ZNF787: variants seen among roughly 807,000 people sequenced by gnomAD.
The protein encoded by ZNF787 is TTF-I-interacting peptide 20.
In ZNF787, 7 loss-of-function variants were observed where a neutral mutation model predicts 16.9. The ratio of observed to expected loss-of-function variants is 0.42; its 90% confidence interval spans 0.24 to 0.78. The LOEUF is 0.78. Ranked by LOEUF, ZNF787 falls within the 30% of genes least tolerant of loss-of-function variation. The pLI is 0.30. For synonymous variants in ZNF787, 345 were observed against 270.9 expected (o/e 1.27, Z -2.69); for missense variants, 551 against 589.3 (o/e 0.94, Z 0.67).
At chr19:56,120,575 G>A (rs1051787216) in intron 1 of ZNF787, among the ~76,000 whole-genome samples, 2 of 152,196 alleles carry the variant, frequency 1.3e-5, no homozygotes, top group Non-Finnish European at 2.9e-5. Context: ...CTGATCAAAG[G>A]CCACGCGCAG....
chr19:56,120,613 G>A lies in ZNF787; in HGVS notation c.-11+559C>T, dbSNP rs2030263307. Among the ~76,000 whole-genome samples the A allele has an allele frequency of 2.6e-5, 4 of 151,596 alleles. No homozygotes were observed. In the South Asian group the frequency reaches 8.3e-4, roughly 31 times the overall value. On this transcript the variant is annotated intron_variant, in intron 1 of 2. Transcript: ENST00000610935. ...CGCCCGGGGCAGCAACGGGACCCGG[G>A]CTGACTCGAAAAGGGGAAGGAAGGG...
chr19:56,109,263 G>A (rs965860923), intron 1 of ZNF787, among the ~76,000 whole-genome samples: 1 of 152,232 alleles, frequency 6.6e-6, no homozygotes, highest in Non-Finnish European at 1.5e-5. Context: ...GGGGCCAGCA[G>A]TGAAGGCGAC....
At chr19:56,114,969 A>C (rs942245460) in intron 1 of ZNF787, among the ~76,000 whole-genome samples, 7 of 150,024 alleles carry the variant, frequency 4.7e-5, no homozygotes, top group Non-Finnish European at 8.9e-5. Context: ...TCGCTCCCTC[A>C]CTCCTGGCCT....
At chr19:56,108,669 A>C (rs1568532901) in intron 1 of ZNF787, among the ~76,000 whole-genome samples, 2 of 152,120 alleles carry the variant, frequency 1.3e-5, no homozygotes, top group African/African-American at 4.8e-5. Flanking sequence ...CTGGGTGAGC[A>C]CACAAACAGG....
chr19:56,111,747 G>A (rs949810415), intron 1 of ZNF787, among the ~76,000 whole-genome samples: 1 of 152,174 alleles, frequency 6.6e-6, no homozygotes, highest in East Asian at 1.9e-4. Context: ...CACCTACCAG[G>A]GAGATGTGAA....
In ZNF787 at chr19:56,088,212, C is replaced by G. The variant is rs1274192721; in HGVS notation, c.960G>C (p.Val320=). The change falls in exon 3 of 3, where the codon GTG becomes GTC. Residue 320 remains valine (V), a synonymous_variant. Transcript: ENST00000610935. This position sits in a 1 kb window ranked among gnomAD's most constrained non-coding sequence, Gnocchi z 8.6. ...CCTGCACGAAGCCCTCCCCGCACTCCACGCAGATGTGGGCCGGCTCCTCGC... is the reference window on the plus strand; with the variant it reads ...CCTGCACGAAGCCCTCCCCGCACTCGACGCAGATGTGGGCCGGCTCCTCGC... ...AGGEEPAHIC[V]ECGEGFVQGA... The G allele has an allele frequency of 6.6e-7, 1 of 1,525,608 alleles. No homozygotes were observed. The highest frequency in any genetic ancestry group is 2.8e-5 in the East Asian group (1 of 36,022). 94.5% of individuals were successfully genotyped at this position (1,525,608 alleles called of 1,614,324 possible).
chr19:56,093,084 A>G (rs1209084893), intron 2 of ZNF787, among the ~76,000 whole-genome samples: 1 of 151,412 alleles, frequency 6.6e-6, no homozygotes, highest in African/African-American at 2.4e-5. Flanking sequence ...GGGTAGCGGA[A>G]GTGGAATATT....
chr19:56,094,488 C>A (rs1459027554), intron 2 of ZNF787, among the ~76,000 whole-genome samples: 1 of 149,056 alleles, frequency 6.7e-6, no homozygotes, highest in Non-Finnish European at 1.5e-5. Flanking sequence ...TTTTTTTTCT[C>A]ATTTTAAAAT....
chr19:56,115,444 C>T (rs1056368304), intron 1 of ZNF787, among the ~76,000 whole-genome samples: 8 of 150,778 alleles, frequency 5.3e-5, no homozygotes, highest in Non-Finnish European at 1.0e-4. Context: ...CTGCAAGCTC[C>T]GCCTCCCGGG....
chr19:56,119,818 A>G (rs1217157140), intron 1 of ZNF787, among the ~76,000 whole-genome samples: 3 of 152,268 alleles, frequency 2.0e-5, no homozygotes, highest in Admixed American at 1.3e-4. Flanking sequence ...GCGCAGAGGC[A>G]GGCAGGTGAA....
chr19:56,103,282 C>A, intron 1 of ZNF787, 55 bp from the exon 2 acceptor site: 1 of 1,471,688 alleles, frequency 6.8e-7, no homozygotes, highest in East Asian at 2.4e-5. Flanking sequence ...CAGGCTGCAC[C>A]GAGGGCCCTG....
chr19:56,103,431 A>T, intron 1 of ZNF787: 1 of 453,244 alleles, frequency 2.2e-6, no homozygotes, highest in East Asian at 3.4e-5. Flanking sequence ...CCAAGGCCTC[A>T]CACAGCCGCA....
In ZNF787 at chr19:56,087,814, G is replaced by C; in HGVS notation, c.*209C>G. 1 of 760,148 alleles carries C rather than the reference G, an allele frequency of 1.3e-6. No homozygotes were observed. Among genetic ancestry groups the C allele is most frequent in the Non-Finnish European group, 1.8e-6 (1 of 563,564 alleles). The allele number at this position is 760,148 out of a possible 1,614,324, so 47.1% of individuals were successfully genotyped here. A position where few individuals can be genotyped will look rare whatever the true frequency, so the allele number is the denominator to read the frequency against. ...AGGAAGGGCGGGCCAGGCTGAGGGG[G>C]CAGAGTCTCGAGGCGGAGAAGTGAA... On this transcript the variant is annotated 3_prime_UTR_variant, in exon 3 of 3. Transcript: ENST00000610935.
intron 1 of ZNF787, among the ~76,000 whole-genome samples, chr19:56,115,270 T>G (rs1454640826): frequency 6.6e-6 from 1 of 151,668 alleles, no homozygotes; most frequent in East Asian, 1.9e-4. Context: ...TCTGGCGGGG[T>G]TCAGGACGCA....
intron 2 of ZNF787, among the ~76,000 whole-genome samples, chr19:56,099,281 G>C (rs959844919): frequency 6.6e-6 from 1 of 152,218 alleles, no homozygotes; most frequent in African/African-American, 2.4e-5. Context: ...TGGTTGAACA[G>C]TCTGCACCCT....
Position 56,088,962 on chromosome 19 carries a change from C to A in ZNF787, c.210G>T (p.Glu70Asp). 6.5e-7 allele frequency: 1 copy of A among 1,548,482 alleles called. No homozygotes were observed. Among genetic ancestry groups the A allele is most frequent in the Non-Finnish European group, 8.7e-7 (1 of 1,147,186 alleles). ...ACCAGTGGCTAAAGCTCTTGCCACA[C>A]TCGTTGCAGATGTAGGGGGCGGGCG... Reference protein sequence around the residue: ...PRPPAPYICNECGKSFSHWSK... With the variant: ...PRPPAPYICNDCGKSFSHWSK... Residue 70 changes from glutamate (E) to aspartate (D), a missense_variant, in exon 3 of 3, where the codon GAG becomes GAT. Around this residue, in one of 4 missense-constraint regions of ZNF787, gnomAD observed 80 missense variants for 105.9 expected, o/e 0.76. Transcript: ENST00000610935. This position sits in a 1 kb window ranked among gnomAD's most constrained non-coding sequence, Gnocchi z 8.6.
chr19:56,119,045 A>G (rs1319159335), intron 1 of ZNF787, among the ~76,000 whole-genome samples: 1 of 151,292 alleles, frequency 6.6e-6, no homozygotes, highest in Non-Finnish European at 1.5e-5. Flanking sequence ...AAATCTCCCC[A>G]CCCCTCTGCC....
At chr19:56,117,909 T>C (rs1301682288) in intron 1 of ZNF787, among the ~76,000 whole-genome samples, 1 of 152,166 alleles carries the variant, frequency 6.6e-6, no homozygotes, top group African/African-American at 2.4e-5. Flanking sequence ...CTGCAAGGCC[T>C]CGAAACAGGG....
intron 2 of ZNF787, among the ~76,000 whole-genome samples, chr19:56,091,527 G>C (rs1057125248): frequency 2.0e-5 from 3 of 152,172 alleles, no homozygotes; most frequent in African/African-American, 7.2e-5. Context: ...AATTTCATGA[G>C]CTCTTTACCT....
Sources: gnomAD v4.1 joint callset for allele counts (sites outside exome capture counted in the v4.1 genomes callset) on GRCh38, gnomAD v4.1.1 for gene constraint, gnomAD v4.1.1 regional missense constraint, Gnocchi (gnomAD v3.1) non-coding constraint, MANE v1.5 for transcripts, NCBI Gene and HGNC (gene_info 2026-07-23, HGNC 2026-07-21) for gene names.